Variants in PGBD5 observed in about 807,000 individuals in gnomAD.
PGBD5 encodes the protein piggyBac transposable element-derived protein 5.
PGBD5 carries 14 observed loss-of-function variants against 47.9 expected under a neutral mutation model. The ratio of observed to expected loss-of-function variants is 0.29; its 90% CI spans 0.19 to 0.46. The LOEUF (loss-of-function observed/expected upper bound fraction) is 0.46, where lower values mean the gene tolerates loss of function less well. PGBD5 is among the 20% of genes least tolerant of loss of function. The pLI is 1.00. For synonymous variants in PGBD5, 316 were observed against 306.3 expected, an observed-to-expected ratio of 1.03 and a Z score of -0.33; for missense variants, 635 against 716.0, an observed-to-expected ratio of 0.89 and a Z score of 1.29.
intron 1 of PGBD5, among the ~76,000 whole-genome samples, chr1:230,424,757 G>A (rs1657735121): frequency 6.6e-6 from 1 of 152,220 alleles, no homozygotes; most frequent in African/African-American, 2.4e-5. Context: ...ATGAGAGGGC[G>A]GCTGGTCTGC....
chr1:230,338,697 G>A (rs1667365171), intron 3 of PGBD5, among the ~76,000 whole-genome samples: 1 of 152,202 alleles, frequency 6.6e-6, no homozygotes, highest in South Asian at 2.1e-4. Context: ...CTACTTGGGA[G>A]GCTGAGGCAG....
At chr1:230,368,265 G>A in intron 1 of PGBD5, 1 of 1,211,186 alleles carries the variant, frequency 8.3e-7, no homozygotes, top group Non-Finnish European at 1.1e-6. Flanking sequence ...TAAATTCTTA[G>A]AAATGTGTGT....
Position 230,315,831 on chromosome 1 carries a change from TAC to T in PGBD5, c.*7592_*7593del, listed in dbSNP as rs1226038570. ...GTATATGTGCATACATATAGAGGTA[TAC>T]ATATAGATGCATATCTGTATACATG... On this transcript the variant is annotated 3_prime_UTR_variant, in exon 7 of 7. Transcript: ENST00000391860. 1 of 143,754 alleles carries T rather than the reference TAC, an allele frequency of 7.0e-6. No individual in the cohort carries two copies. The highest frequency in any genetic ancestry group is 1.5e-5 in the Non-Finnish European group (1 of 64,904). 8.9% of individuals were successfully genotyped at this position (143,754 alleles called of 1,614,324 possible).
intron 1 of PGBD5, among the ~76,000 whole-genome samples, chr1:230,385,621 A>G (rs1022514924): frequency 6.6e-6 from 1 of 152,182 alleles, no homozygotes; most frequent in African/African-American, 2.4e-5. Flanking sequence ...AAATAAGCAA[A>G]AGGAAAATAC....
intron 1 of PGBD5, among the ~76,000 whole-genome samples, chr1:230,383,924 C>A (rs1336934072): frequency 2.6e-5 from 4 of 152,146 alleles, no homozygotes; most frequent in African/African-American, 9.7e-5. Context: ...GTGAGAGAAG[C>A]CCAGGTGAAG....
At position 230,371,326 on chromosome 1, in the gene PGBD5, C is replaced by T. The variant is rs114331460; in HGVS notation, c.332-14005G>A. Among the ~76,000 whole-genome samples, 906 of 152,236 alleles carry T rather than the reference C, an allele frequency of 6.0e-3. 8 individuals carry two copies. Among genetic ancestry groups the T allele is most frequent in the Middle Eastern group, 0.014 (4 of 294 alleles). On this transcript the variant is annotated intron_variant, in intron 1 of 6. Coordinates refer to ENST00000391860, the MANE Select transcript of PGBD5 (RefSeq NM_001258311.2). ...CCTTGGATGAGACCCAGTTGCTGGG[C>T]AGGAGGGGCAGCTTTCTTGAGATAG...
rs981491742 is a variant in PGBD5, at chr1:230,319,590, G to A, written c.*3835C>T. On this transcript the variant is annotated 3_prime_UTR_variant, in exon 7 of 7. Coordinates refer to ENST00000391860, the MANE Select transcript of PGBD5 (RefSeq NM_001258311.2). ...TGAGCCTGGGTCCCTGGGGAGGATG[G>A]TGACACACGGGCCACACAGGAAGGA... The A allele has an allele frequency of 6.6e-6, 1 of 152,118 alleles. No homozygotes were observed. The allele number at this position is 152,118 out of a possible 1,614,324, so 9.4% of individuals were successfully genotyped here. A position where few individuals can be genotyped will look rare whatever the true frequency, so the allele number is the denominator to read the frequency against.
intron 1 of PGBD5, among the ~76,000 whole-genome samples, chr1:230,395,422 C>T (rs1188718677): frequency 6.8e-5 from 2 of 29,580 alleles, no homozygotes; most frequent in Non-Finnish European, 1.3e-4. Flanking sequence ...CACCCTCCTC[C>T]CCTCCTCTCC....
intron 5 of PGBD5, among the ~76,000 whole-genome samples, chr1:230,332,103 A>T (rs1308092840): frequency 1.3e-5 from 1 of 79,394 alleles, no homozygotes; most frequent in Non-Finnish European, 3.3e-5. Flanking sequence ...TGAGAGCACA[A>T]ATCTGCACAC....
chr1:230,355,021 C>T (rs1387716803), intron 2 of PGBD5, among the ~76,000 whole-genome samples: 1 of 152,148 alleles, frequency 6.6e-6, no homozygotes, highest in Non-Finnish European at 1.5e-5. Flanking sequence ...CAGATTGAGC[C>T]TCATCTCAGG....
intron 1 of PGBD5, among the ~76,000 whole-genome samples, chr1:230,363,485 G>A (rs1168160429): frequency 6.6e-6 from 1 of 152,162 alleles, no homozygotes; most frequent in Non-Finnish European, 1.5e-5. Flanking sequence ...GGAAGGCCAA[G>A]GGAGGAGAGG....
intron 5 of PGBD5, among the ~76,000 whole-genome samples, chr1:230,328,867 G>A (rs1260278944): frequency 6.6e-6 from 1 of 152,212 alleles, no homozygotes; most frequent in East Asian, 1.9e-4. Flanking sequence ...ACCCAAGGTG[G>A]ATTTCGAAAG....
chr1:230,332,414 G>A (rs964053261), intron 5 of PGBD5, among the ~76,000 whole-genome samples: 1 of 152,298 alleles, frequency 6.6e-6, no homozygotes. Context: ...GAAGAAATCA[G>A]GGAACAGCGG....
intron 1 of PGBD5, among the ~76,000 whole-genome samples, chr1:230,399,277 G>C (rs761110990): frequency 1.3e-5 from 2 of 152,212 alleles, no homozygotes; most frequent in Non-Finnish European, 2.9e-5. Flanking sequence ...CTGGTGTCCT[G>C]TATTCTGTCT....
At chr1:230,350,179 G>A (rs1278060205) in intron 3 of PGBD5, among the ~76,000 whole-genome samples, 1 of 152,246 alleles carries the variant, frequency 6.6e-6, no homozygotes, top group Non-Finnish European at 1.5e-5. Flanking sequence ...TGGCCTGCCT[G>A]TCTGATGAGA....
intron 1 of PGBD5, among the ~76,000 whole-genome samples, chr1:230,381,361 C>CGCT (rs1228474424): frequency 6.6e-6 from 1 of 152,208 alleles, no homozygotes; most frequent in Non-Finnish European, 1.5e-5. Context: ...AACATGCACA[C>CGCT]GCTGCTGCTG....
intron 1 of PGBD5, among the ~76,000 whole-genome samples, chr1:230,417,252 T>A (rs1198691917): frequency 6.6e-6 from 1 of 152,014 alleles, no homozygotes; most frequent in Non-Finnish European, 1.5e-5. Context: ...CTTATCCCAT[T>A]CCCTTCTGCT....
chr1:230,351,775 C>G (rs914961778), intron 2 of PGBD5, among the ~76,000 whole-genome samples: 17 of 152,112 alleles, frequency 1.1e-4, no homozygotes, highest in African/African-American at 4.1e-4. Flanking sequence ...TTGTCATGAC[C>G]TTTCTGACAA....
At chr1:230,418,007 C>G (rs974910316) in intron 1 of PGBD5, among the ~76,000 whole-genome samples, 1 of 152,298 alleles carries the variant, frequency 6.6e-6, no homozygotes, top group Non-Finnish European at 1.5e-5. Flanking sequence ...TGTCTGTTTG[C>G]TACAACTGGG....
Sources: allele counts gnomAD v4.1 joint callset (sites outside exome capture counted in the v4.1 genomes callset), GRCh38; gene constraint gnomAD v4.1.1; transcripts MANE v1.5; gene names NCBI Gene and HGNC (gene_info 2026-07-23, HGNC 2026-07-21).